Variants in PRKG2 observed in about 807,000 individuals in gnomAD.
PRKG2 encodes protein kinase cGMP-dependent 2, also known as cGMP-dependent protein kinase 2.
A neutral mutation model predicts 97.2 loss-of-function variants in PRKG2; 33 were observed. That is an observed-to-expected ratio of 0.34 (90% confidence interval 0.26 to 0.45). The LOEUF (loss-of-function observed/expected upper bound fraction) is 0.45. PRKG2 is among the 20% of genes least tolerant of loss of function. PRKG2 has a pLI of 1.00. For synonymous variants in PRKG2, 330 were observed against 321.8 expected (o/e 1.03, Z -0.27); for missense variants, 638 against 900.0 (o/e 0.71, Z 3.73).
At chr4:81,161,478 G>C (rs1749588152) in intron 6 of PRKG2, among the ~76,000 whole-genome samples, 2 of 152,146 alleles carry the variant, frequency 1.3e-5, no homozygotes, top group South Asian at 2.1e-4. Flanking sequence ...TGCTCAATTA[G>C]GTTTCTCAGT....
chr4:81,145,150 A>G (rs1747733670), intron 9 of PRKG2, among the ~76,000 whole-genome samples: 1 of 152,064 alleles, frequency 6.6e-6, no homozygotes, highest in Admixed American at 6.6e-5. Context: ...GTCAAATGGT[A>G]TTTCTAGTTC....
intron 10 of PRKG2, among the ~76,000 whole-genome samples, chr4:81,143,432 A>G (rs1747497671): frequency 6.6e-6 from 1 of 152,206 alleles, no homozygotes. Context: ...TCAGATCTTG[A>G]AGCTTTGCAT....
chr4:81,153,416 A>G (rs1388726117), intron 7 of PRKG2: 1 of 404,860 alleles, frequency 2.5e-6, no homozygotes, highest in African/African-American at 2.0e-5. Flanking sequence ...TCCCCAAAAA[A>G]TCAAGTGACC....
intron 8 of PRKG2, among the ~76,000 whole-genome samples, chr4:81,149,599 C>A (rs991284495): frequency 1.3e-5 from 2 of 151,920 alleles, no homozygotes; most frequent in Non-Finnish European, 2.9e-5. Flanking sequence ...TATATATGAT[C>A]CAATGGTAGC....
intron 17 of PRKG2, among the ~76,000 whole-genome samples, chr4:81,098,318 G>A (rs1224242774): frequency 9.6e-6 from 1 of 103,884 alleles, no homozygotes; most frequent in African/African-American, 1.1e-4. Flanking sequence ...TTGTGATCGT[G>A]TGAGTTAATA....
intron 13 of PRKG2, 64 bp downstream of exon 13, chr4:81,137,329 C>T (rs904771894): frequency 1.7e-6 from 2 of 1,150,698 alleles, no homozygotes; most frequent in Admixed American, 2.0e-5. Flanking sequence ...TTCCTCTATG[C>T]CTTTTTTAAT....
intron 17 of PRKG2, among the ~76,000 whole-genome samples, chr4:81,093,075 T>G (rs932367459): frequency 6.6e-6 from 1 of 152,170 alleles, no homozygotes; most frequent in Non-Finnish European, 1.5e-5. Context: ...GTCTTTGCTG[T>G]AACCTATAAG....
intron 2 of PRKG2, chr4:81,193,144 T>A (rs1051217623): frequency 6.6e-6 from 1 of 152,210 alleles, no homozygotes; most frequent in Non-Finnish European, 1.5e-5. Context: ...TTCATCCCTA[T>A]CTATCAAGGA....
chr4:81,088,211 C>T lies in PRKG2; in HGVS notation c.*1497G>A, dbSNP rs544755458. On this transcript the variant is annotated 3_prime_UTR_variant, in exon 19 of 19. Transcript: ENST00000264399. Reference sequence around the variant, plus strand: ...GGAAATCTAATTTGTTAAGGATGCACCTTTCTGGATTGGGCTTCACTTATC... The same window carrying T: ...GGAAATCTAATTTGTTAAGGATGCATCTTTCTGGATTGGGCTTCACTTATC... 6.6e-6 allele frequency: 1 copy of T among 152,170 alleles called. No individual in the cohort carries two copies. The highest frequency in any genetic ancestry group is 1.9e-4 in the East Asian group (1 of 5,182). The allele number at this position is 152,170 out of a possible 1,614,324, so 9.4% of individuals were successfully genotyped here. A position where few individuals can be genotyped will look rare whatever the true frequency, so the allele number is the denominator to read the frequency against.
At chr4:81,114,915 C>A (rs936649678) in intron 14 of PRKG2, among the ~76,000 whole-genome samples, 1 of 152,058 alleles carries the variant, frequency 6.6e-6, no homozygotes, top group South Asian at 2.1e-4. Context: ...TGATCTTGGG[C>A]AAATGTCTTT....
chr4:81,096,103 G>C (rs1179527497), intron 17 of PRKG2, among the ~76,000 whole-genome samples: 1 of 152,150 alleles, frequency 6.6e-6, no homozygotes, highest in East Asian at 1.9e-4. Flanking sequence ...GGCAGGGGTC[G>C]CTGAAGGTTG....
At chr4:81,091,449 ATT>A (rs988128686) in intron 18 of PRKG2, among the ~76,000 whole-genome samples, 1 of 150,904 alleles carries the variant, frequency 6.6e-6, no homozygotes. Context: ...TGCCCGGCTA[ATT>A]TTTTTTTATT....
intron 6 of PRKG2, among the ~76,000 whole-genome samples, chr4:81,162,435 C>T (rs1749656717): frequency 6.6e-6 from 1 of 152,082 alleles, no homozygotes; most frequent in Non-Finnish European, 1.5e-5. Flanking sequence ...TGTCTTTATA[C>T]TTTTTCCCCA....
chr4:81,178,601 G>A (rs988923307), intron 2 of PRKG2, among the ~76,000 whole-genome samples: 5 of 151,022 alleles, frequency 3.3e-5, no homozygotes, highest in East Asian at 1.9e-4. Flanking sequence ...TTTGCAATCC[G>A]ATAAAATGCA....
At chr4:81,152,711 T>C (rs531261248) in intron 7 of PRKG2, among the ~76,000 whole-genome samples, 1 of 152,338 alleles carries the variant, frequency 6.6e-6, no homozygotes, top group Admixed American at 6.5e-5. Flanking sequence ...GGCATTTATG[T>C]ATGTCACAAT....
chr4:81,156,522 G>A (rs1474687463), intron 6 of PRKG2, among the ~76,000 whole-genome samples: 3 of 151,958 alleles, frequency 2.0e-5, no homozygotes, highest in Non-Finnish European at 4.4e-5. Flanking sequence ...ACAGATCAAC[G>A]AGACAGAAAG....
chr4:81,155,109 C>T (rs1429678568), intron 6 of PRKG2, among the ~76,000 whole-genome samples: 2 of 140,422 alleles, frequency 1.4e-5, no homozygotes, highest in African/African-American at 2.9e-5. Flanking sequence ...ACCCGGGAGG[C>T]GGAGCTTGCA....
intron 6 of PRKG2, among the ~76,000 whole-genome samples, chr4:81,163,797 A>T (rs1749761669): frequency 6.6e-6 from 1 of 152,030 alleles, no homozygotes; most frequent in South Asian, 2.1e-4. Context: ...ATCTTGCAAA[A>T]AGCAAATGAA....
At chr4:81,097,381 T>A (rs1180159539) in intron 17 of PRKG2, among the ~76,000 whole-genome samples, 1 of 152,136 alleles carries the variant, frequency 6.6e-6, no homozygotes, top group African/African-American at 2.4e-5. Flanking sequence ...TGTAAACAGA[T>A]ATGGTGTCAT....
Sources: gnomAD v4.1 joint callset for allele counts (sites outside exome capture counted in the v4.1 genomes callset) on GRCh38, gnomAD v4.1.1 for gene constraint, MANE v1.5 for transcripts, NCBI Gene and HGNC (gene_info 2026-07-23, HGNC 2026-07-21) for gene names.